Variants in ZZZ3 observed in about 807,000 individuals in gnomAD.
ZZZ3 encodes ZZ-type zinc finger-containing protein 3.
In ZZZ3, 22 loss-of-function variants were observed where a neutral mutation model predicts 95.2. The observed-to-expected ratio is 0.23, with a 90% CI of 0.17 to 0.33. The LOEUF is 0.33. Among genes scored for constraint, ZZZ3 ranks in the 10% least tolerant of loss-of-function variants. The probability of loss-of-function intolerance (pLI) is 1.00; values close to 1 mark genes in which losing one functional copy is unlikely to be tolerated. For missense variants in ZZZ3, 885 were observed against 1,066.5 expected, an observed-to-expected ratio of 0.83 and a Z score of 2.37; for synonymous variants, 335 against 358.9, an observed-to-expected ratio of 0.93 and a Z score of 0.75.
In ZZZ3 at chr1:77,576,178, A is replaced by G. The variant is rs1332423163; in HGVS notation, c.2221T>C (p.Phe741Leu). The change falls in exon 12 of 15, where the codon TTT (phenylalanine) becomes CTT (leucine). Residue 741 changes from phenylalanine to leucine, a missense_variant. Physicochemically the swap from Phe to Leu is conservative, Grantham distance 22. Around this residue, in one of 5 missense-constraint regions of ZZZ3, gnomAD observed 221 missense variants for 247.8 expected, o/e 0.89. Transcript: ENST00000370801. Reference protein sequence around the residue: ...RRQHPLNKHLFKPSTFMTSHE... With the variant: ...RRQHPLNKHLLKPSTFMTSHE... ...GAAGTCATGAAAGTGGAAGGCTTAA[A>G]GAGATGCTTATTAAGAGGGTGCTGT... is the stretch of plus-strand genomic sequence containing the variant. 1 of 1,612,394 alleles carries G rather than the reference A, an allele frequency of 6.2e-7. No individual in the cohort carries two copies. The highest frequency in any genetic ancestry group is 1.7e-5 in the Admixed American group (1 of 59,416).
Position 77,632,033 on chromosome 1 carries a change from C to T in ZZZ3, c.1322G>A (p.Cys441Tyr), listed in dbSNP as rs776826290. Residue 441 changes from cysteine (C) to tyrosine (Y), a missense_variant, in exon 5 of 15, where the codon TGT becomes TAT. Cys to Tyr is a radical substitution (Grantham distance 194, BLOSUM62 -2). Coordinates refer to ENST00000370801, the MANE Select transcript of ZZZ3 (RefSeq NM_015534.6). ...ACTTCCATTATTTTGAGAGTCACAA[C>T]ATATCCCTTTTTCATTTTGAGAAAT... ...GEISQNEKGI[C>Y]CDSQNNGSEG... 2 of 1,613,990 alleles carry T rather than the reference C, an allele frequency of 1.2e-6. No individual in the cohort carries two copies. Among genetic ancestry groups the T allele is most frequent in the East Asian group, 2.2e-5 (1 of 44,882 alleles).
intron 5 of ZZZ3, among the ~76,000 whole-genome samples, chr1:77,615,848 G>A (rs1285840509): frequency 1.3e-5 from 2 of 151,884 alleles, no homozygotes; most frequent in African/African-American, 4.8e-5. Flanking sequence ...GATAAAACTT[G>A]GTAATTCAGT....
At chr1:77,617,243 T>C (rs1300135956) in intron 5 of ZZZ3, among the ~76,000 whole-genome samples, 1 of 152,168 alleles carries the variant, frequency 6.6e-6, no homozygotes, top group Admixed American at 6.5e-5. Context: ...TTCCAAAACA[T>C]TTTCATCACC....
chr1:77,625,627 C>G (rs1194492553), intron 5 of ZZZ3, among the ~76,000 whole-genome samples: 1 of 151,970 alleles, frequency 6.6e-6, no homozygotes, highest in African/African-American at 2.4e-5. Context: ...AAAAACAGAC[C>G]TATTCTGGCA....
At chr1:77,592,423 C>A (rs957246287) in intron 5 of ZZZ3, among the ~76,000 whole-genome samples, 1 of 152,132 alleles carries the variant, frequency 6.6e-6, no homozygotes, top group Non-Finnish European at 1.5e-5. Context: ...CTGCCTCAGC[C>A]TCTGAGTAGC....
chr1:77,646,829 G>T (rs1248731878), intron 1 of ZZZ3, among the ~76,000 whole-genome samples: 3 of 152,210 alleles, frequency 2.0e-5, no homozygotes, highest in Non-Finnish European at 4.4e-5. Flanking sequence ...AAAGGAAGGT[G>T]TCCCAAGCAA....
At chr1:77,575,601 T>TC (rs903153768) in intron 12 of ZZZ3, among the ~76,000 whole-genome samples, 1 of 152,156 alleles carries the variant, frequency 6.6e-6, no homozygotes, top group African/African-American at 2.4e-5. Context: ...AACCAGTTCT[T>TC]CAACAAAAAC....
chr1:77,583,727 CTTTTT>C (rs1557698689), intron 6 of ZZZ3, among the ~76,000 whole-genome samples: 1 of 152,048 alleles, frequency 6.6e-6, no homozygotes, highest in African/African-American at 2.4e-5. Context: ...GGTTTCGTTT[CTTTTT>C]TAAGAAGAGG....
intron 5 of ZZZ3, among the ~76,000 whole-genome samples, chr1:77,601,724 T>G (rs894822661): frequency 6.6e-6 from 1 of 152,184 alleles, no homozygotes; most frequent in Non-Finnish European, 1.5e-5. Flanking sequence ...ATTGAAAATT[T>G]AGTACTTATA....
chr1:77,620,347 C>T (rs1666725565), intron 5 of ZZZ3, among the ~76,000 whole-genome samples: 1 of 150,056 alleles, frequency 6.7e-6, no homozygotes, highest in Non-Finnish European at 1.5e-5. Flanking sequence ...TATTCTAAGA[C>T]ATTTACTCCA....
chr1:77,644,101 T>C (rs1051607094), intron 1 of ZZZ3, among the ~76,000 whole-genome samples: 8 of 152,150 alleles, frequency 5.3e-5, no homozygotes, highest in African/African-American at 1.7e-4. Context: ...GTTTTGCTCT[T>C]GTTGCCCAGG....
At chr1:77,662,755 C>G (rs528799512) in intron 1 of ZZZ3, among the ~76,000 whole-genome samples, 1 of 152,226 alleles carries the variant, frequency 6.6e-6, no homozygotes, top group African/African-American at 2.4e-5. Context: ...CATGCCACTA[C>G]ACTCCAGCCT....
At chr1:77,649,273 A>T (rs543506203) in intron 1 of ZZZ3, among the ~76,000 whole-genome samples, 1 of 152,300 alleles carries the variant, frequency 6.6e-6, no homozygotes, top group South Asian at 2.1e-4. Flanking sequence ...CATTACAGGC[A>T]CAGAGAGAAA....
In ZZZ3 at chr1:77,632,246, T is replaced by A. The variant is rs937704663; in HGVS notation, c.1109A>T (p.Glu370Val). 1 of 1,614,084 alleles carries A rather than the reference T, an allele frequency of 6.2e-7. No individual in the cohort carries two copies. The highest frequency in any genetic ancestry group is 1.3e-5 in the African/African-American group (1 of 75,042). ...CVSAQMMSLS[E>V]PQEHRYTLRT... Reference sequence around the variant, plus strand: ...CAGAGTATAACGATGTTCTTGAGGTTCTGATAAAGACATCATTTGAGCTGA... The same window carrying A: ...CAGAGTATAACGATGTTCTTGAGGTACTGATAAAGACATCATTTGAGCTGA... Residue 370 changes from glutamate to valine, a missense_variant, in exon 5 of 15, where the codon GAA becomes GTA. Physicochemically the swap from Glu to Val is moderately radical, Grantham distance 121. This residue lies in a region of ZZZ3 where 556 missense variants were observed against 652.9 expected (regional missense o/e 0.85). Transcript: ENST00000370801.
At chr1:77,640,721 G>A (rs1045011840) in intron 3 of ZZZ3, among the ~76,000 whole-genome samples, 10 of 151,982 alleles carry the variant, frequency 6.6e-5, no homozygotes, top group East Asian at 5.8e-4. Flanking sequence ...AGAAACTGTC[G>A]CTTTATTATA....
intron 1 of ZZZ3, among the ~76,000 whole-genome samples, chr1:77,644,377 T>C (rs537438928): frequency 6.6e-6 from 1 of 152,360 alleles, no homozygotes; most frequent in Admixed American, 6.5e-5. Context: ...GAAACACCTT[T>C]CCTAGACAAT....
At chr1:77,621,175 T>C (rs1437310543) in intron 5 of ZZZ3, among the ~76,000 whole-genome samples, 1 of 152,038 alleles carries the variant, frequency 6.6e-6, no homozygotes, top group Non-Finnish European at 1.5e-5. Context: ...ATAAAAACAT[T>C]ATCTAGTTAT....
chr1:77,665,197 A>G (rs1388659505), intron 1 of ZZZ3, among the ~76,000 whole-genome samples: 1 of 152,256 alleles, frequency 6.6e-6, no homozygotes, highest in South Asian at 2.1e-4. Flanking sequence ...TCAATTCAGA[A>G]GAAACCAACA....
At position 77,565,702 on chromosome 1, in the gene ZZZ3, A is replaced by C. The variant is rs1417562000; in HGVS notation, c.2650T>G (p.Cys884Gly). The C allele has an allele frequency of 1.9e-6, 3 of 1,613,698 alleles. No individual in the cohort carries two copies. The highest frequency in any genetic ancestry group is 2.7e-5 in the African/African-American group (2 of 74,924). The change falls in exon 15 of 15, where the codon TGT (cysteine) becomes GGT (glycine). Residue 884 changes from cysteine to glycine, a missense_variant. Transcript: ENST00000370801. ...TTGTAACTGGTGCCCTGAGACACACAGTAGTCTCTGTCTAAGAATGTCTCT... is the reference window on the plus strand; with the variant it reads ...TTGTAACTGGTGCCCTGAGACACACCGTAGTCTCTGTCTAAGAATGTCTCT... ...RSETFLDRDYCVSQGTSYNYL... is the reference protein window; with the variant it reads ...RSETFLDRDYGVSQGTSYNYL...
Sources: allele counts gnomAD v4.1 joint callset (sites outside exome capture counted in the v4.1 genomes callset), GRCh38; gene constraint gnomAD v4.1.1; regional missense constraint gnomAD v4.1.1; transcripts MANE v1.5; gene names NCBI Gene and HGNC (gene_info 2026-07-23, HGNC 2026-07-21).